The following KCNAB1 variants were observed in gnomAD, a reference collection of about 807,000 sequenced individuals.
The protein encoded by KCNAB1 is potassium voltage-gated channel subfamily A regulatory beta subunit 1, also known as voltage-gated potassium channel subunit beta-1.
Under a neutral mutation model 64.6 loss-of-function variants are expected in KCNAB1, and 35 were observed. That is an observed-to-expected ratio of 0.54 (90% CI 0.41 to 0.72). The LOEUF is 0.72. KCNAB1 is among the 30% of genes least tolerant of loss of function. The pLI, the probability that KCNAB1 is intolerant of heterozygous loss-of-function variation, is 0.00. For missense variants in KCNAB1, 401 were observed against 512.9 expected (o/e 0.78, Z 2.11); for synonymous variants, 177 against 183.8 (o/e 0.96, Z 0.30).
At chr3:156,211,157 AGAG>A (rs1714979745) in intron 1 of KCNAB1, among the ~76,000 whole-genome samples, 1 of 152,158 alleles carries the variant, frequency 6.6e-6, no homozygotes, top group Admixed American at 6.5e-5. Context: ...AGAATATTGA[AGAG>A]GAGTCAGAAA....
chr3:156,473,129 C>T (rs182133636), intron 7 of KCNAB1, among the ~76,000 whole-genome samples: 359 of 152,306 alleles, frequency 2.4e-3, no homozygotes, highest in Admixed American at 4.2e-3. Context: ...ATTTGGTCTT[C>T]TGCTGTCTTC....
intron 1 of KCNAB1, among the ~76,000 whole-genome samples, chr3:156,303,121 C>T (rs1721270057): frequency 6.6e-6 from 1 of 152,166 alleles, no homozygotes; most frequent in African/African-American, 2.4e-5. Context: ...GATGTAGTTT[C>T]CCCTCTGTGA....
At chr3:156,291,863 G>A in intron 1 of KCNAB1, 1 of 1,609,210 alleles carries the variant, frequency 6.2e-7, no homozygotes, top group African/African-American at 1.3e-5. Context: ...GTGACTGCCT[G>A]TGTTCTGGGG....
chr3:156,247,763 C>T (rs1370496527), intron 1 of KCNAB1, among the ~76,000 whole-genome samples: 2 of 152,122 alleles, frequency 1.3e-5, no homozygotes, highest in African/African-American at 4.8e-5. Flanking sequence ...ACAGGGTTCG[C>T]CATGTTGCCC....
chr3:156,363,637 G>A (rs1056545968), intron 1 of KCNAB1, among the ~76,000 whole-genome samples: 2 of 151,994 alleles, frequency 1.3e-5, no homozygotes, highest in Non-Finnish European at 2.9e-5. Context: ...CACCACACCC[G>A]GCTAATTTTT....
chr3:156,255,126 T>C lies in KCNAB1; in HGVS notation c.275+134240T>C, dbSNP rs567964668. Among the ~76,000 whole-genome samples the C allele has an allele frequency of 1.2e-3, 189 of 152,314 alleles. 1 individual carries two copies. Among genetic ancestry groups the C allele is most frequent in the African/African-American group, 4.2e-3 (175 of 41,586 alleles). On this transcript the variant is annotated intron_variant, in intron 1 of 13. Transcript: ENST00000490337. ...GGGCCTTTCAGCAACACGGCCTATC[T>C]GTCCCAGTGTGACTATTTATAGGCT... is the stretch of plus-strand genomic sequence containing the variant.
At chr3:156,152,072 A>G (rs1715445683) in intron 1 of KCNAB1, among the ~76,000 whole-genome samples, 1 of 152,246 alleles carries the variant, frequency 6.6e-6, no homozygotes, top group African/African-American at 2.4e-5. Flanking sequence ...CGTGTCCCTG[A>G]CAACGACTGT....
rs1714777330 is a variant in KCNAB1 at position 156,208,127 on chromosome 3, A to T, written c.275+87241A>T. Among the ~76,000 whole-genome samples, 3 of 152,234 alleles carry T rather than the reference A, an allele frequency of 2.0e-5. No homozygotes were observed. In the South Asian group the frequency reaches 6.2e-4, roughly 32 times the overall value. The stretch of plus-strand genomic sequence containing the variant: ...CTACCAGATTCCTAAGGCTTGTGCT[A>T]TATCCTTGTCTAATTCTTTAGTCAT... On this transcript the variant is annotated intron_variant, in intron 1 of 13. Transcript: ENST00000490337.
intron 8 of KCNAB1, 55 bp from the exon 9 acceptor site, chr3:156,514,309 A>G: frequency 7.1e-7 from 1 of 1,417,562 alleles, no homozygotes; most frequent in Non-Finnish European, 1.0e-6. Flanking sequence ...TAAAAATCGC[A>G]TAACTTTGAA....
chr3:156,144,172 G>A (rs1221913932), intron 1 of KCNAB1, among the ~76,000 whole-genome samples: 1 of 152,110 alleles, frequency 6.6e-6, no homozygotes, highest in Non-Finnish European at 1.5e-5. Context: ...CAGCCCAGAA[G>A]CTGAGTAAAA....
At chr3:156,411,384 A>T (rs1714655241) in intron 1 of KCNAB1, among the ~76,000 whole-genome samples, 1 of 152,052 alleles carries the variant, frequency 6.6e-6, no homozygotes, top group Admixed American at 6.5e-5. Context: ...CCAATTTTTA[A>T]TTTTTTAATG....
intron 1 of KCNAB1, among the ~76,000 whole-genome samples, chr3:156,144,641 G>T (rs1714931490): frequency 6.6e-6 from 1 of 152,130 alleles, no homozygotes; most frequent in African/African-American, 2.4e-5. Context: ...CTGCTTCTCT[G>T]TCCCCCCACG....
intron 8 of KCNAB1, among the ~76,000 whole-genome samples, chr3:156,513,201 G>A (rs1465792527): frequency 3.3e-5 from 5 of 151,714 alleles, no homozygotes; most frequent in Admixed American, 2.6e-4. Context: ...CAAAGGGCAA[G>A]ACTCCATCTC....
intron 1 of KCNAB1, among the ~76,000 whole-genome samples, chr3:156,392,978 G>A (rs1713155530): frequency 6.6e-6 from 1 of 152,196 alleles, no homozygotes; most frequent in African/African-American, 2.4e-5. Flanking sequence ...ATAAGATAAA[G>A]TGGAAGTTTT....
At chr3:156,160,386 C>T (rs1356078906) in intron 1 of KCNAB1, among the ~76,000 whole-genome samples, 1 of 152,172 alleles carries the variant, frequency 6.6e-6, no homozygotes, top group African/African-American at 2.4e-5. Flanking sequence ...AACTATAAAA[C>T]ATGTAATGTA....
intron 1 of KCNAB1, among the ~76,000 whole-genome samples, chr3:156,155,398 T>C (rs538687620): frequency 6.6e-6 from 1 of 152,184 alleles, no homozygotes; most frequent in Admixed American, 6.5e-5. Context: ...AAATAAAATT[T>C]ATAATACTTT....
intron 1 of KCNAB1, among the ~76,000 whole-genome samples, chr3:156,364,144 C>A (rs1212006010): frequency 6.6e-6 from 1 of 152,170 alleles, no homozygotes; most frequent in Non-Finnish European, 1.5e-5. Flanking sequence ...GGATTATCAA[C>A]CTGAAGGAAG....
chr3:156,339,987 A>G (rs1345834398), intron 1 of KCNAB1, among the ~76,000 whole-genome samples: 1 of 152,254 alleles, frequency 6.6e-6, no homozygotes, highest in African/African-American at 2.4e-5. Context: ...CAAGATGATC[A>G]TAAAGATCAA....
chr3:156,240,525 G>T (rs1717102018), intron 1 of KCNAB1, among the ~76,000 whole-genome samples: 1 of 151,948 alleles, frequency 6.6e-6, no homozygotes, highest in Non-Finnish European at 1.5e-5. Flanking sequence ...GTTCCTTCTA[G>T]CATTTTATGC....
Sources: gnomAD v4.1 joint callset for allele counts (sites outside exome capture counted in the v4.1 genomes callset) on GRCh38, gnomAD v4.1.1 for gene constraint, MANE v1.5 for transcripts, NCBI Gene and HGNC (gene_info 2026-07-23, HGNC 2026-07-21) for gene names.